HECW2: variants seen among roughly 807,000 people sequenced by gnomAD.
HECW2 encodes E3 ubiquitin-protein ligase HECW2.
HECW2 carries 61 observed loss-of-function variants against 175.2 expected under a neutral mutation model. That is an observed-to-expected ratio of 0.35 (90% CI 0.28 to 0.43). HECW2 has a LOEUF of 0.43. Among genes scored for constraint, HECW2 ranks in the 20% least tolerant of loss-of-function variants. The pLI is 1.00. For missense variants in HECW2, 1,524 were observed against 2,000.5 expected, an observed-to-expected ratio of 0.76 and a Z score of 4.54; for synonymous variants, 671 against 731.0, an observed-to-expected ratio of 0.92 and a Z score of 1.32.
chr2:196,538,906 G>A (rs889530143), intron 1 of HECW2, among the ~76,000 whole-genome samples: 2 of 152,090 alleles, frequency 1.3e-5, no homozygotes, highest in African/African-American at 2.4e-5. Context: ...CAGTTTCCTC[G>A]GAGCTCAGGT....
chr2:196,329,466 G>T, intron 5 of HECW2, 109 bp downstream of exon 5: 1 of 787,666 alleles, frequency 1.3e-6, no homozygotes. Flanking sequence ...CCCAAAACTA[G>T]TTCACATATC....
intron 17 of HECW2, 45 bp downstream of exon 17, chr2:196,271,148 G>A (rs1186361131): frequency 9.0e-7 from 1 of 1,115,930 alleles, no homozygotes; most frequent in South Asian, 1.3e-5. Context: ...AGATTTAATG[G>A]TTTGTGCTTA....
In HECW2 at chr2:196,318,717, C is replaced by T. The variant is rs757506363; in HGVS notation, c.2173G>A (p.Ala725Thr). Residue 725 changes from alanine (A) to threonine (T), a missense_variant, in exon 9 of 29, where the codon GCC becomes ACC. Around this residue, in one of 11 missense-constraint regions of HECW2, gnomAD observed 604 missense variants for 588.3 expected, o/e 1.03. Transcript: ENST00000644978. ...AGCTCCTCCTGGTCAGGTACAGTGG[C>T]CGATTCTGCCCCTGGCCCTTCATCC... is the stretch of plus-strand genomic sequence containing the variant. ...GEDEGPGAES[A>T]TVPDQEELGE... 3 of 1,559,422 alleles carry T rather than the reference C, an allele frequency of 1.9e-6. No homozygotes were observed. Among genetic ancestry groups the T allele is most frequent in the African/African-American group, 2.7e-5 (2 of 72,900 alleles).
chr2:196,444,090 T>C (rs1184869385), intron 1 of HECW2, among the ~76,000 whole-genome samples: 2 of 152,184 alleles, frequency 1.3e-5, no homozygotes, highest in Non-Finnish European at 2.9e-5. Flanking sequence ...TGGAATCATT[T>C]CCTCTTACAT....
At chr2:196,457,669 TA>T (rs1696565700) in intron 1 of HECW2, among the ~76,000 whole-genome samples, 1 of 151,458 alleles carries the variant, frequency 6.6e-6, no homozygotes, top group Admixed American at 6.6e-5. Flanking sequence ...TTCCCGACCC[TA>T]AAAATGAAGG....
intron 2 of HECW2, among the ~76,000 whole-genome samples, chr2:196,402,405 T>C (rs1694846859): frequency 6.6e-6 from 1 of 152,138 alleles, no homozygotes; most frequent in Non-Finnish European, 1.5e-5. Flanking sequence ...TTTGAAATAG[T>C]TGTCTAACAT....
intron 13 of HECW2, among the ~76,000 whole-genome samples, chr2:196,295,206 T>C (rs1274612591): frequency 6.6e-6 from 1 of 152,142 alleles, no homozygotes; most frequent in Non-Finnish European, 1.5e-5. Flanking sequence ...GGCCTATGCA[T>C]GGGCTCTGGG....
chr2:196,368,085 C>G (rs1693798621), intron 2 of HECW2, among the ~76,000 whole-genome samples: 1 of 152,072 alleles, frequency 6.6e-6, no homozygotes, highest in African/African-American at 2.4e-5. Context: ...CTGCAGCAAA[C>G]AGTGCAGATA....
At chr2:196,510,416 C>T (rs948631764) in intron 1 of HECW2, among the ~76,000 whole-genome samples, 1 of 152,182 alleles carries the variant, frequency 6.6e-6, no homozygotes, top group African/African-American at 2.4e-5. Context: ...TTACCAGCAT[C>T]CTCCTCCACC....
At chr2:196,453,157 T>C (rs1297789065) in intron 1 of HECW2, among the ~76,000 whole-genome samples, 2 of 152,224 alleles carry the variant, frequency 1.3e-5, no homozygotes. Context: ...GTAGGCTTCA[T>C]TCCTCTTTAA....
chr2:196,451,527 A>T (rs1275901477), intron 1 of HECW2, among the ~76,000 whole-genome samples: 1 of 152,116 alleles, frequency 6.6e-6, no homozygotes, highest in Admixed American at 6.6e-5. Flanking sequence ...ACAGGCCATT[A>T]ATTTATCTCT....
At chr2:196,395,649 A>G (rs938167464) in intron 2 of HECW2, among the ~76,000 whole-genome samples, 1 of 152,028 alleles carries the variant, frequency 6.6e-6, no homozygotes, top group African/African-American at 2.4e-5. Context: ...CATCATTAGG[A>G]AAATGCAAGC....
intron 19 of HECW2, 148 bp from the exon 20 acceptor site, chr2:196,242,352 G>T (rs1688488167): frequency 9.6e-7 from 1 of 1,036,704 alleles, no homozygotes; most frequent in Non-Finnish European, 1.4e-6. Flanking sequence ...CAAGTTGAAG[G>T]ATATAACAAA....
At chr2:196,567,988 T>C (rs2125509082) in intron 1 of HECW2, among the ~76,000 whole-genome samples, 1 of 152,316 alleles carries the variant, frequency 6.6e-6, no homozygotes, top group East Asian at 1.9e-4. Context: ...ACTTTAACCT[T>C]ACACATATCT....
At chr2:196,380,596 G>A (rs935439822) in intron 2 of HECW2, among the ~76,000 whole-genome samples, 4 of 152,192 alleles carry the variant, frequency 2.6e-5, no homozygotes, top group Non-Finnish European at 5.9e-5. Context: ...AAGAAGCTAT[G>A]AGCCAGGTTA....
At chr2:196,349,971 A>T (rs1693111579) in intron 2 of HECW2, among the ~76,000 whole-genome samples, 1 of 152,190 alleles carries the variant, frequency 6.6e-6, no homozygotes, top group Non-Finnish European at 1.5e-5. Context: ...ACTGTCACAG[A>T]TCCTCACGGG....
intron 6 of HECW2, among the ~76,000 whole-genome samples, chr2:196,323,434 T>C (rs1445541257): frequency 6.6e-6 from 1 of 152,238 alleles, no homozygotes; most frequent in African/African-American, 2.4e-5. Context: ...CTAACCTAAA[T>C]TATTTCACTG....
chr2:196,246,121 G>A (rs538914786), intron 19 of HECW2, among the ~76,000 whole-genome samples: 1 of 152,270 alleles, frequency 6.6e-6, no homozygotes, highest in Admixed American at 6.5e-5. Flanking sequence ...GTACCGAAAG[G>A]CATAATTTGC....
At chr2:196,203,510 T>A (rs1686947489) in intron 28 of HECW2, among the ~76,000 whole-genome samples, 1 of 152,154 alleles carries the variant, frequency 6.6e-6, no homozygotes, top group African/African-American at 2.4e-5. Context: ...AAACTGTGTG[T>A]GTCAGACAAA....
Sources: gnomAD v4.1 joint callset for allele counts (sites outside exome capture counted in the v4.1 genomes callset) on GRCh38, gnomAD v4.1.1 for gene constraint, gnomAD v4.1.1 regional missense constraint, MANE v1.5 for transcripts, NCBI Gene and HGNC (gene_info 2026-07-23, HGNC 2026-07-21) for gene names.